Variants in SOX5 observed in about 807,000 individuals in gnomAD.
SOX5 encodes the protein SRY-box transcription factor 5, also known as transcription factor SOX-5.
In SOX5, 9 loss-of-function variants were observed where a neutral mutation model predicts 92.0. That is an observed-to-expected ratio of 0.10 (90% confidence interval 0.06 to 0.17). The LOEUF (loss-of-function observed/expected upper bound fraction) is 0.17. SOX5 is among the 10% of genes least tolerant of loss of function. The pLI, the probability that SOX5 is intolerant of heterozygous loss-of-function variation, is 1.00. For missense variants in SOX5, 642 were observed against 944.5 expected (o/e 0.68, Z 4.20); for synonymous variants, 344 against 336.3 (o/e 1.02, Z -0.25).
At chr12:23,542,249 G>T (rs560679444) in intron 13 of SOX5, among the ~76,000 whole-genome samples, 1 of 152,264 alleles carries the variant, frequency 6.6e-6, no homozygotes, top group Admixed American at 6.5e-5. Flanking sequence ...GACAAATTTT[G>T]TTACTTATTT....
intron 4 of SOX5, among the ~76,000 whole-genome samples, chr12:24,043,095 G>A (rs1374408889): frequency 1.3e-5 from 2 of 152,104 alleles, no homozygotes; most frequent in African/African-American, 4.8e-5. Context: ...TTCATATTGT[G>A]TTGCAAACTA....
chr12:24,304,655 C>A (rs1948372015), intron 2 of SOX5, among the ~76,000 whole-genome samples: 1 of 152,146 alleles, frequency 6.6e-6, no homozygotes, highest in Non-Finnish European at 1.5e-5. Context: ...ACTCTCCTGA[C>A]CATTTTCAAT....
intron 9 of SOX5, among the ~76,000 whole-genome samples, chr12:23,591,378 A>T (rs1951526805): frequency 6.6e-6 from 1 of 152,106 alleles, no homozygotes; most frequent in Admixed American, 6.5e-5. Context: ...CTTAAAATTC[A>T]ATAAGATAGA....
intron 2 of SOX5, among the ~76,000 whole-genome samples, chr12:23,848,160 A>G (rs1206343060): frequency 1.3e-5 from 2 of 152,126 alleles, no homozygotes; most frequent in Non-Finnish European, 2.9e-5. Flanking sequence ...TTCTGTCTGT[A>G]CTCTGCTTTC....
In SOX5 at chr12:24,490,525, A is replaced by C. The variant is rs111517358; in HGVS notation, c.-251+71804T>G. ...CACATTTTGAAACAGGTATGAAACC[A>C]GTGTGCCCAACTGTGGCTGAAACCC... On this transcript the variant is annotated intron_variant, in intron 1 of 4. Coordinates refer to the SOX5 transcript ENST00000446891. Among the ~76,000 whole-genome samples, 99 of 152,320 alleles carry C rather than the reference A, an allele frequency of 6.5e-4. 1 individual carries two copies. Among genetic ancestry groups the C allele is most frequent in the African/African-American group, 1.9e-3 (81 of 41,570 alleles).
At chr12:23,682,765 A>G (rs1052355030) in intron 6 of SOX5, among the ~76,000 whole-genome samples, 1 of 151,890 alleles carries the variant, frequency 6.6e-6, no homozygotes, top group Admixed American at 6.6e-5. Context: ...AAAAATACAT[A>G]CATGTATAAA....
chr12:24,250,578 G>A (rs376478708), intron 3 of SOX5, among the ~76,000 whole-genome samples: 87 of 152,312 alleles, frequency 5.7e-4, no homozygotes, highest in East Asian at 3.3e-3. Context: ...ACAGCATTTC[G>A]CTTTGAAGTT....
At chr12:23,947,168 C>A (rs1393515898) in intron 1 of SOX5, among the ~76,000 whole-genome samples, 1 of 151,832 alleles carries the variant, frequency 6.6e-6, no homozygotes, top group Non-Finnish European at 1.5e-5. Flanking sequence ...TACATGAACC[C>A]TAAGCAATTT....
At chr12:24,471,175 G>T (rs576663781) in intron 1 of SOX5, among the ~76,000 whole-genome samples, 2 of 152,098 alleles carry the variant, frequency 1.3e-5, no homozygotes, top group Admixed American at 1.3e-4. Context: ...TTAGAGTTGG[G>T]TTATTTGCCT....
intron 4 of SOX5, among the ~76,000 whole-genome samples, chr12:24,129,363 C>G (rs185538247): frequency 6.6e-6 from 1 of 152,202 alleles, no homozygotes; most frequent in African/African-American, 2.4e-5. Flanking sequence ...GCTACGGACT[C>G]TATTAACTAC....
intron 4 of SOX5, among the ~76,000 whole-genome samples, chr12:23,753,164 T>G (rs1404763032): frequency 6.6e-6 from 1 of 151,796 alleles, no homozygotes; most frequent in Non-Finnish European, 1.5e-5. Flanking sequence ...AGTCTATCAT[T>G]TTTTACTTTT....
At chr12:23,856,906 A>G (rs996661505) in intron 2 of SOX5, among the ~76,000 whole-genome samples, 4 of 152,168 alleles carry the variant, frequency 2.6e-5, no homozygotes, top group Non-Finnish European at 4.4e-5. Context: ...TTCTTTCTAT[A>G]CCATGAAGAC....
At chr12:23,715,811 A>AAAAAAAAAAC (rs1304033846) in intron 6 of SOX5, among the ~76,000 whole-genome samples, 3 of 129,606 alleles carry the variant, frequency 2.3e-5, no homozygotes, top group African/African-American at 1.2e-4. Flanking sequence ...TAATTTCCCA[A>AAAAAAAAAAC]AAAAAAAAAA....
intron 6 of SOX5, among the ~76,000 whole-genome samples, chr12:23,686,916 A>T (rs1864743045): frequency 2.0e-5 from 3 of 152,096 alleles, no homozygotes; most frequent in African/African-American, 4.8e-5. Context: ...GGATAATTTA[A>T]AAAAGGTTTC....
chr12:24,191,631 A>G (rs964539843), intron 4 of SOX5, among the ~76,000 whole-genome samples: 6 of 152,134 alleles, frequency 3.9e-5, no homozygotes, highest in Non-Finnish European at 8.8e-5. Flanking sequence ...ATCTGCTCCA[A>G]TGTCCTACTC....
In SOX5 at chr12:24,365,030, T is replaced by C. The variant is rs550831905; in HGVS notation, c.-174+3533A>G. Among the ~76,000 whole-genome samples, 36 of 152,208 alleles carry C rather than the reference T, an allele frequency of 2.4e-4. 1 individual carries two copies. The highest frequency in any genetic ancestry group is 7.9e-4 in the African/African-American group (33 of 41,562). ...TAATTGGTAGGGGAAAAATGATATA[T>C]TTCTCCACAACTTGGGTATATTAAA... On this transcript the variant is annotated intron_variant, in intron 2 of 4. Coordinates refer to the SOX5 transcript ENST00000446891.
intron 4 of SOX5, among the ~76,000 whole-genome samples, chr12:24,090,697 T>G (rs1264179297): frequency 2.0e-5 from 3 of 152,144 alleles, no homozygotes. Flanking sequence ...CCATATACTA[T>G]CAATGTAAGA....
rs140273108 is a variant in SOX5 at position 24,252,495 on chromosome 12, G to A, written c.-77+24721C>T. Among the ~76,000 whole-genome samples the A allele has an allele frequency of 1.8e-3, 273 of 151,222 alleles. 3 individuals are homozygous for A. The highest frequency in any genetic ancestry group is 6.0e-3 in the African/African-American group (246 of 41,006). On this transcript the variant is annotated intron_variant, in intron 3 of 4. Coordinates refer to the SOX5 transcript ENST00000446891. The stretch of plus-strand genomic sequence containing the variant: ...TGGAAAAATTTCTCCAAAATAAAGG[G>A]GGAAAGGCCAAAAAAAAAAAGTTAA...
chr12:23,941,882 T>C (rs1943714825), intron 1 of SOX5, among the ~76,000 whole-genome samples: 2 of 151,186 alleles, frequency 1.3e-5, no homozygotes, highest in African/African-American at 4.8e-5. Flanking sequence ...ACCTGAATTA[T>C]ATGTGACATC....
Sources: gnomAD v4.1 joint callset for allele counts (sites outside exome capture counted in the v4.1 genomes callset) on GRCh38, gnomAD v4.1.1 for gene constraint, MANE v1.5 for transcripts, NCBI Gene and HGNC (gene_info 2026-07-23, HGNC 2026-07-21) for gene names.